PLCD3: variants seen among roughly 807,000 people sequenced by gnomAD.
PLCD3 encodes the protein 1-phosphatidylinositol 4,5-bisphosphate phosphodiesterase delta-3.
In PLCD3, 62 loss-of-function variants were observed where a neutral mutation model predicts 82.8. The observed-to-expected ratio is 0.75, with a 90% CI of 0.61 to 0.93. The LOEUF is 0.93. PLCD3 is among the 40% of genes least tolerant of loss of function. The pLI, the probability that PLCD3 is intolerant of heterozygous loss-of-function variation, is 0.00. For synonymous variants in PLCD3, 478 were observed against 471.8 expected (o/e 1.01, Z -0.17); for missense variants, 1,023 against 1,103.4 (o/e 0.93, Z 1.03).
At position 45,113,399 on chromosome 17, in the gene PLCD3, C is replaced by T. The variant is rs367903872; in HGVS notation, c.1995+40G>A. 1.4e-5 allele frequency: 22 copies of T among 1,568,276 alleles called. No homozygotes were observed. In the South Asian group the frequency reaches 2.2e-4, roughly 16 times the overall value. Reference sequence around the variant, plus strand: ...ACCTCACAAAGAGCCTTTCTAGAACCAGTCTGACCCCACACTGGGGCCCGT... The same window carrying T: ...ACCTCACAAAGAGCCTTTCTAGAACTAGTCTGACCCCACACTGGGGCCCGT... On this transcript the variant is annotated intron_variant, in intron 12 of 14. Transcript: ENST00000619929.
Position 45,115,394 on chromosome 17 carries a change from C to T in PLCD3, c.1510G>A (p.Asp504Asn). The T allele has an allele frequency of 7.0e-7, 1 of 1,438,116 alleles. No individual in the cohort carries two copies. Among genetic ancestry groups the T allele is most frequent in the Non-Finnish European group, 9.4e-7 (1 of 1,065,932 alleles). 89.1% of individuals were successfully genotyped at this position (1,438,116 alleles called of 1,614,324 possible). The change falls in exon 9 of 15, where the codon GAT (aspartate) becomes AAT (asparagine). Residue 504 changes from aspartate (D) to asparagine (N), a missense_variant. Physicochemically the swap from Asp to Asn is conservative, Grantham distance 23 (BLOSUM62 1). Coordinates refer to ENST00000619929, the MANE Select transcript of PLCD3 (RefSeq NM_133373.5). ...ALSDREEEEE[D>N]DEEEEEEVEA... ...ACCTCCTCTTCTTCCTCCTCGTCAT[C>T]CTCCTCCTCCTCCTCCCGATCCGAC... is the stretch of plus-strand genomic sequence containing the variant.
At chr17:45,130,729 C>G (rs570796750) in intron 1 of PLCD3, among the ~76,000 whole-genome samples, 3 of 152,074 alleles carry the variant, frequency 2.0e-5, no homozygotes, top group Non-Finnish European at 1.5e-5. Context: ...ACCTGCCCCC[C>G]ACTCTCCACA....
In PLCD3 at chr17:45,118,441, G is replaced by T; in HGVS notation, c.965C>A (p.Ser322Ter). The T allele has an allele frequency of 6.2e-7, 1 of 1,613,994 alleles. No homozygotes were observed. Among genetic ancestry groups the T allele is most frequent in the Admixed American group, 1.7e-5 (1 of 60,018 alleles). ...TLDGFMMYLL[S>*]PEGAALDNTH... is the part of the protein sequence containing the mutation. ...GTTGTCCAAGGCAGCCCCCTCCGGC[G>T]ACAACAGGTACATCATGAAGCCATC... Residue 322 changes from serine to a stop codon, truncating the protein, a stop_gained, in exon 6 of 15, where the codon TCG becomes TAG. Transcript: ENST00000619929. LOFTEE classifies it high-confidence loss of function. The surrounding 1 kb of genome is among the most constrained non-coding windows in gnomAD (Gnocchi z 4.1).
At chr17:45,115,542 C>G in intron 8 of PLCD3, 52 bp from the exon 9 acceptor site, 1 of 1,501,830 alleles carries the variant, frequency 6.7e-7, no homozygotes, top group South Asian at 1.2e-5. Context: ...GCCCCTGTGG[C>G]AGCCAGTCAG....
In PLCD3 at chr17:45,132,107, G is replaced by A; in HGVS notation, c.163+141C>T. ...ACCCCAGGTGCGACCCCCAGCTGGA[G>A]GGAGCTGGCCCTCCGCCCCTAGCCA... On this transcript the variant is annotated intron_variant, in intron 1 of 14. Coordinates refer to ENST00000619929, the MANE Select transcript of PLCD3 (RefSeq NM_133373.5). The surrounding 1 kb of genome is among the most constrained non-coding windows in gnomAD (Gnocchi z 4.6). 2.1e-6 allele frequency: 2 copies of A among 944,530 alleles called. No individual in the cohort carries two copies. The highest frequency in any genetic ancestry group is 2.8e-6 in the Non-Finnish European group (2 of 726,988). The allele number at this position is 944,530 out of a possible 1,614,324, so 58.5% of individuals were successfully genotyped here.
At chr17:45,115,626 G>T in intron 8 of PLCD3, 136 bp from the exon 9 acceptor site, 2 of 751,888 alleles carry the variant, frequency 2.7e-6, no homozygotes, top group Non-Finnish European at 4.3e-6. Context: ...AGAGATGAGC[G>T]ATGTTTCTAA....
intron 1 of PLCD3, among the ~76,000 whole-genome samples, chr17:45,123,942 G>T (rs72832863): frequency 7.1e-6 from 1 of 141,176 alleles, no homozygotes; most frequent in Non-Finnish European, 1.5e-5. Context: ...GTGCCAGGCC[G>T]AGGGGCTCAC....
Position 45,118,937 on chromosome 17 carries a change from G to T in PLCD3, c.791C>A (p.Ser264Ter). ...PELEEIFHQY[S>*]GEDRVLSAPE... ...GGCACTCAGCACGCGGTCCTCGCCC[G>T]AGTACTGATGGAAGATCTCCTCCAG... Residue 264 changes from serine to a stop codon, truncating the protein, a stop_gained, in exon 5 of 15, where the codon TCG (serine) becomes TAG (stop). Transcript: ENST00000619929. LOFTEE classifies it high-confidence loss of function. This position sits in a 1 kb window ranked among gnomAD's most constrained non-coding sequence, Gnocchi z 4.1. 1 of 1,612,504 alleles carries T rather than the reference G, an allele frequency of 6.2e-7. No homozygotes were observed. The highest frequency in any genetic ancestry group is 8.5e-7 in the Non-Finnish European group (1 of 1,179,684).
chr17:45,128,736 G>A (rs910212425), intron 1 of PLCD3, among the ~76,000 whole-genome samples: 9 of 152,256 alleles, frequency 5.9e-5, no homozygotes, highest in Non-Finnish European at 8.8e-5. Context: ...CAGGACACCC[G>A]TTAAATGTGA....
chr17:45,118,282 C>T lies in PLCD3; in HGVS notation c.1115+9G>A, dbSNP rs757308296. ...GGCTCCCGGAAACATTCACCCCCTG[C>T]TACAGTACCTAACATAGGCCTCGGT... On this transcript the variant is annotated intron_variant, in intron 6 of 14. Coordinates refer to ENST00000619929, the MANE Select transcript of PLCD3 (RefSeq NM_133373.5). The surrounding 1 kb of genome is among the most constrained non-coding windows in gnomAD (Gnocchi z 4.1). 1.2e-4 allele frequency: 191 copies of T among 1,613,956 alleles called. No individual in the cohort carries two copies. The highest frequency in any genetic ancestry group is 9.9e-4 in the Middle Eastern group (6 of 6,062).
Position 45,116,690 on chromosome 17 carries a change from TC to T in PLCD3, c.1354del (p.Asp452ThrfsTer4). On this transcript the variant is annotated frameshift_variant, in exon 8 of 15. Coordinates refer to ENST00000619929, the MANE Select transcript of PLCD3 (RefSeq NM_133373.5). LOFTEE classifies it high-confidence loss of function. ...GTCCAGCGCCTGTGTCACCAGCATG[TC>T]CCCCAGGATGGTGCAGAGGTGGCGG... ...MARHLCTILG[D>X]MLVTQALDSP... The T allele has an allele frequency of 6.2e-7, 1 of 1,609,846 alleles. No individual in the cohort carries two copies.
Position 45,132,340 on chromosome 17 carries a change from G to T in PLCD3, c.71C>A (p.Ala24Asp), listed in dbSNP as rs762789789. 6.5e-6 allele frequency: 8 copies of T among 1,233,812 alleles called. No individual in the cohort carries two copies. In the African/African-American group the frequency reaches 7.8e-5, roughly 12 times the overall value. 76.4% of individuals were successfully genotyped at this position (1,233,812 alleles called of 1,614,324 possible). A position where few individuals can be genotyped will look rare whatever the true frequency, so the allele number is the denominator to read the frequency against. Reference sequence around the variant, plus strand: ...GAGAGCGACCGGCGCCGCGACTTGGGCTGCGACCTGGGCGGCCACCGGGGG... The same window carrying T: ...GAGAGCGACCGGCGCCGCGACTTGGTCTGCGACCTGGGCGGCCACCGGGGG... ...EEPPVAAQVA[A>D]QVAAPVALPS... The change falls in exon 1 of 15, where the codon GCC (alanine) becomes GAC (aspartate). Residue 24 changes from alanine to aspartate, a missense_variant. By Grantham distance (126) the Ala-to-Asp change is moderately radical (BLOSUM62 -2). Transcript: ENST00000619929. The surrounding 1 kb of genome is among the most constrained non-coding windows in gnomAD (Gnocchi z 4.6).
Position 45,115,344 on chromosome 17 carries a change from C to A in PLCD3, c.1560G>T (p.Leu520=). Residue 520 remains leucine (L), a splice_region_variant and synonymous_variant, in exon 9 of 15, where the codon CTG becomes CTT. Transcript: ENST00000619929. The part of the protein sequence containing the change: ...EEVEAAAQRR[L]AKQISPELSA... The stretch of plus-strand genomic sequence containing the variant: ...CCACCCCACCCATCCCAGCTCTCAC[C>A]AGCCGCCTCTGCGCTGCAGCCTCCA... The A allele has an allele frequency of 6.5e-7, 1 of 1,537,554 alleles. No individual in the cohort carries two copies. Among genetic ancestry groups the A allele is most frequent in the Non-Finnish European group, 8.8e-7 (1 of 1,137,558 alleles).
chr17:45,132,438 C>T lies in PLCD3; in HGVS notation c.-28G>A. On this transcript the variant is annotated 5_prime_UTR_variant, in exon 1 of 15. Transcript: ENST00000619929. The surrounding 1 kb of genome is among the most constrained non-coding windows in gnomAD (Gnocchi z 4.6). ...CTTGGCGGGGGGCCGGGGCCGGGCC[C>T]GGGGTCTGCACGCGGGGACAGGGCA... 8.4e-7 allele frequency: 1 copy of T among 1,187,604 alleles called. No homozygotes were observed. Among genetic ancestry groups the T allele is most frequent in the Non-Finnish European group, 1.0e-6 (1 of 958,176 alleles). The allele number at this position is 1,187,604 out of a possible 1,614,324, so 73.6% of individuals were successfully genotyped here.
rs767442841 is a variant in PLCD3 at position 45,121,336 on chromosome 17, C to A, written c.200G>T (p.Arg67Leu). Residue 67 changes from arginine to leucine, a missense_variant, in exon 2 of 15, where the codon CGG becomes CTG. Arg to Leu is a moderately radical substitution (Grantham distance 102, BLOSUM62 -2). This residue lies in a region of PLCD3 where 448 missense variants were observed against 406.3 expected (regional missense o/e 1.10). Transcript: ENST00000619929. ...GCGGATCTTGCGGAGCCGGGAGCCCCGCAGCATGGCGCGCACGTCCTCGTC... is the reference window on the plus strand; with the variant it reads ...GCGGATCTTGCGGAGCCGGGAGCCCAGCAGCATGGCGCGCACGTCCTCGTC... ...TEDEDVRAML[R>L]GSRLRKIRSR... is the part of the protein sequence containing the mutation. The A allele has an allele frequency of 1.9e-6, 3 of 1,548,282 alleles. No homozygotes were observed. Among genetic ancestry groups the A allele is most frequent in the East Asian group, 2.4e-5 (1 of 41,596 alleles).
intron 11 of PLCD3, 114 bp downstream of exon 11, chr17:45,114,135 TA>T: frequency 1.3e-6 from 1 of 772,964 alleles, no homozygotes; most frequent in Non-Finnish European, 2.0e-6. Context: ...ACTTTAAAAA[TA>T]ATCAACAAAA....
chr17:45,120,116 G>A (rs908140903), intron 4 of PLCD3, among the ~76,000 whole-genome samples: 39 of 152,250 alleles, frequency 2.6e-4, no homozygotes, highest in Non-Finnish European at 4.0e-4. Flanking sequence ...TCTGGGCCCC[G>A]GCTCCCCACT....
In PLCD3 at chr17:45,132,225, A is replaced by G; in HGVS notation, c.163+23T>C. 3 of 1,255,724 alleles carry G rather than the reference A, an allele frequency of 2.4e-6. No homozygotes were observed. The South Asian group carries it at 1.2e-4, about 48-fold the overall frequency. 77.8% of individuals were successfully genotyped at this position (1,255,724 alleles called of 1,614,324 possible). A position where few individuals can be genotyped will look rare whatever the true frequency, so the allele number is the denominator to read the frequency against. Reference sequence around the variant, plus strand: ...TCTGGGAACGGTCCGCGCCCACCCCACCGCCCCTTGCCCGTCACTGACCCA... The same window carrying G: ...TCTGGGAACGGTCCGCGCCCACCCCGCCGCCCCTTGCCCGTCACTGACCCA... On this transcript the variant is annotated intron_variant, in intron 1 of 14. Transcript: ENST00000619929. This position sits in a 1 kb window ranked among gnomAD's most constrained non-coding sequence, Gnocchi z 4.6.
Position 45,125,970 on chromosome 17 carries a change from A to G in PLCD3, c.164-4598T>C, listed in dbSNP as rs1278855492. Among the ~76,000 whole-genome samples the G allele has an allele frequency of 2.0e-5, 3 of 152,224 alleles. No homozygotes were observed. In the South Asian group the frequency reaches 6.2e-4, roughly 32 times the overall value. On this transcript the variant is annotated intron_variant, in intron 1 of 14. Transcript: ENST00000619929. The stretch of plus-strand genomic sequence containing the variant: ...ACAGTAATAGTTGCACAACAGCGTG[A>G]ATGTAATTAATGCCAGTGAATTAAC...
Sources: gnomAD v4.1 joint callset for allele counts (sites outside exome capture counted in the v4.1 genomes callset) on GRCh38, gnomAD v4.1.1 for gene constraint, gnomAD v4.1.1 regional missense constraint, Gnocchi (gnomAD v3.1) non-coding constraint, MANE v1.5 for transcripts, NCBI Gene and HGNC (gene_info 2026-07-23, HGNC 2026-07-21) for gene names.